The following WDR72 variants were observed in gnomAD, a reference collection of about 807,000 sequenced individuals.
WDR72 encodes the protein WD repeat-containing protein 72.
In WDR72, 120 loss-of-function variants were observed where a neutral mutation model predicts 124.2. The ratio of observed to expected loss-of-function variants is 0.97; its 90% CI spans 0.83 to 1.12. WDR72 has a LOEUF of 1.12. Among genes scored for constraint, WDR72 ranks in the 50% most tolerant of loss-of-function variants. The probability of loss-of-function intolerance (pLI) is 0.00; values close to 1 mark genes in which losing one functional copy is unlikely to be tolerated. For missense variants in WDR72, 1,387 were observed against 1,278.8 expected, an observed-to-expected ratio of 1.08 and a Z score of -1.29; for synonymous variants, 452 against 441.7, an observed-to-expected ratio of 1.02 and a Z score of -0.29.
chr15:53,604,604 G>A lies in WDR72; in HGVS notation c.2952+4909C>T, dbSNP rs548709281. Among the ~76,000 whole-genome samples, 15 of 136,088 alleles carry A rather than the reference G, an allele frequency of 1.1e-4. No individual in the cohort carries two copies. In the South Asian group the frequency reaches 3.4e-3, roughly 31 times the overall value. The allele number at this position is 136,088 out of a possible 152,430, so 89.3% of individuals were successfully genotyped here. On this transcript the variant is annotated intron_variant, in intron 17 of 19. Coordinates refer to ENST00000360509, the MANE Select transcript of WDR72 (RefSeq NM_182758.4). ...GCATCTTACGAAAGTCTAACATCCA[G>A]AGTCTACAAAGAACTTAAACAAATT...
chr15:53,707,698 G>A (rs539205114), intron 9 of WDR72, among the ~76,000 whole-genome samples: 2 of 152,126 alleles, frequency 1.3e-5, no homozygotes, highest in South Asian at 2.1e-4. Flanking sequence ...CACCCACCTC[G>A]GCCTCCCAAA....
intron 14 of WDR72, among the ~76,000 whole-genome samples, chr15:53,650,623 C>A (rs923494605): frequency 6.6e-6 from 1 of 152,076 alleles, no homozygotes; most frequent in Non-Finnish European, 1.5e-5. Context: ...TTCCTTATGG[C>A]AAAATCTTAT....
intron 18 of WDR72, among the ~76,000 whole-genome samples, chr15:53,585,812 T>A (rs2012181243): frequency 2.0e-5 from 3 of 152,030 alleles, no homozygotes; most frequent in African/African-American, 7.2e-5. Flanking sequence ...GGTCAGATAT[T>A]AAAGGCACTA....
intron 18 of WDR72, among the ~76,000 whole-genome samples, chr15:53,553,035 T>TG (rs942914773): frequency 6.6e-6 from 1 of 152,000 alleles, no homozygotes; most frequent in African/African-American, 2.4e-5. Flanking sequence ...AGAAATCTTA[T>TG]GAAAAAAAGA....
chr15:53,634,495 TA>T (rs989361505), intron 14 of WDR72, among the ~76,000 whole-genome samples: 5 of 151,342 alleles, frequency 3.3e-5, no homozygotes, highest in East Asian at 3.9e-4. Context: ...GTTGATTAGC[TA>T]AAAAAAAATG....
In WDR72 at chr15:53,514,492, A is replaced by ATT. The variant is rs1327852517; in HGVS notation, c.*3205_*3206dup. ...CTTTTCTAAAGTGTTCATTATAATA[A>ATT]TTATGAAAGGATTTTAAAAATACAG... is the stretch of plus-strand genomic sequence containing the variant. On this transcript the variant is annotated 3_prime_UTR_variant, in exon 20 of 20. Coordinates refer to ENST00000360509, the MANE Select transcript of WDR72 (RefSeq NM_182758.4). 2 of 152,178 alleles carry ATT rather than the reference A, an allele frequency of 1.3e-5. No individual in the cohort carries two copies. Among genetic ancestry groups the ATT allele is most frequent in the African/African-American group, 4.8e-5 (2 of 41,448 alleles). 9.4% of individuals were successfully genotyped at this position (152,178 alleles called of 1,614,324 possible).
At position 53,714,417 on chromosome 15, in the gene WDR72, A is replaced by G. The variant is rs904211184; in HGVS notation, c.591+17T>C. On this transcript the variant is annotated intron_variant, in intron 6 of 19. Coordinates refer to ENST00000360509, the MANE Select transcript of WDR72 (RefSeq NM_182758.4). ...CTTGAAATTGTAAGGAAAAAAGAGT[A>G]GGGTTCCCAAGCCAACCTGAATGCT... 6.2e-7 allele frequency: 1 copy of G among 1,606,272 alleles called. No individual in the cohort carries two copies. Among genetic ancestry groups the G allele is most frequent in the African/African-American group, 1.3e-5 (1 of 74,876 alleles).
intron 18 of WDR72, among the ~76,000 whole-genome samples, chr15:53,556,667 T>C (rs1893944607): frequency 1.3e-5 from 2 of 152,150 alleles, no homozygotes; most frequent in Non-Finnish European, 2.9e-5. Flanking sequence ...AGAATCCTTT[T>C]TGATGATTCA....
At position 53,514,868 on chromosome 15, in the gene WDR72, G is replaced by A. The variant is rs906078404; in HGVS notation, c.*2831C>T. On this transcript the variant is annotated 3_prime_UTR_variant, in exon 20 of 20. Transcript: ENST00000360509. ...GCACACACGGCCTGGACACGCTGCCGAGGAGCCTCTGCTTTTAACCCTCCA... is the reference window on the plus strand; with the variant it reads ...GCACACACGGCCTGGACACGCTGCCAAGGAGCCTCTGCTTTTAACCCTCCA... 1 of 151,804 alleles carries A rather than the reference G, an allele frequency of 6.6e-6. No homozygotes were observed. Among genetic ancestry groups the A allele is most frequent in the Non-Finnish European group, 1.5e-5 (1 of 68,002 alleles). 9.4% of individuals were successfully genotyped at this position (151,804 alleles called of 1,614,324 possible).
chr15:53,715,388 G>GCAAA, intron 4 of WDR72, 21 bp from the exon 5 acceptor site: 1 of 1,613,742 alleles, frequency 6.2e-7, no homozygotes, highest in Non-Finnish European at 8.5e-7. Flanking sequence ...GGAAAGCAAA[G>GCAAA]CAAACATTTA....
chr15:53,700,137 G>C (rs945135084), intron 12 of WDR72, among the ~76,000 whole-genome samples, 192 bp from the exon 13 acceptor site: 1 of 152,116 alleles, frequency 6.6e-6, no homozygotes, highest in Non-Finnish European at 1.5e-5. Flanking sequence ...TGGAGTCTAA[G>C]CTCAACAACT....
At chr15:53,706,509 T>A (rs1012352013) in intron 9 of WDR72, among the ~76,000 whole-genome samples, 5 of 151,104 alleles carry the variant, frequency 3.3e-5, no homozygotes, top group Non-Finnish European at 5.9e-5. Flanking sequence ...ACAAGAAAAC[T>A]TGGAATGAAG....
intron 14 of WDR72, among the ~76,000 whole-genome samples, chr15:53,659,704 A>T (rs537200450): frequency 0.037 from 2,196 of 59,340 alleles, 31 homozygotes; most frequent in Non-Finnish European, 0.043. Flanking sequence ...GGCAGTTATA[A>T]AAAAAAAAAA....
rs57355125 is a variant in WDR72, at chr15:53,621,430, GATATATATAT to G, written c.1963-5197_1963-5188del. Among the ~76,000 whole-genome samples, 31 of 124,370 alleles carry G rather than the reference GATATATATAT, an allele frequency of 2.5e-4. 1 individual carries two copies. The highest frequency in any genetic ancestry group is 8.7e-4 in the African/African-American group (24 of 27,638). 81.6% of individuals were successfully genotyped at this position (124,370 alleles called of 152,430 possible). A position where few individuals can be genotyped will look rare whatever the true frequency, so the allele number is the denominator to read the frequency against. ...ATCAATGAGTGGATAAAGAAACTGT[GATATATATAT>G]ATATATATATATATATATGATAGAG... On this transcript the variant is annotated intron_variant, in intron 14 of 19. Transcript: ENST00000360509.
chr15:53,582,082 G>A (rs774732500), intron 18 of WDR72, among the ~76,000 whole-genome samples: 12 of 151,876 alleles, frequency 7.9e-5, no homozygotes, highest in South Asian at 2.1e-4. Flanking sequence ...TCATACAGTT[G>A]TTATAACTGG....
At chr15:53,606,670 A>T (rs2013296838) in intron 17 of WDR72, among the ~76,000 whole-genome samples, 1 of 152,214 alleles carries the variant, frequency 6.6e-6, no homozygotes, top group African/African-American at 2.4e-5. Context: ...GAGTTATAAG[A>T]GAAGACTTCT....
intron 2 of WDR72, among the ~76,000 whole-genome samples, chr15:53,728,431 T>A (rs2018105473): frequency 6.6e-6 from 1 of 152,084 alleles, no homozygotes; most frequent in Non-Finnish European, 1.5e-5. Context: ...TCTACCGTAT[T>A]CCAGACAAAA....
At chr15:53,609,729 G>T in intron 16 of WDR72, 137 bp from the exon 17 acceptor site, 1 of 736,788 alleles carries the variant, frequency 1.4e-6, no homozygotes, top group Non-Finnish European at 2.4e-6. Context: ...ATCTTCCAGA[G>T]ATTTTTATTT....
intron 14 of WDR72, among the ~76,000 whole-genome samples, chr15:53,659,589 C>A (rs888858792): frequency 6.6e-6 from 1 of 151,942 alleles, no homozygotes; most frequent in Non-Finnish European, 1.5e-5. Context: ...TGAAACGAAG[C>A]TGTGACATGT....
Sources: gnomAD v4.1 joint callset for allele counts (sites outside exome capture counted in the v4.1 genomes callset) on GRCh38, gnomAD v4.1.1 for gene constraint, MANE v1.5 for transcripts, NCBI Gene and HGNC (gene_info 2026-07-23, HGNC 2026-07-21) for gene names.